The following TMEM65 variants were observed in gnomAD, a reference collection of about 807,000 sequenced individuals.
The protein encoded by TMEM65 is transmembrane protein 65.
Under a neutral mutation model 25.4 loss-of-function variants are expected in TMEM65, and 22 were observed. That is an observed-to-expected ratio of 0.86 (90% CI 0.62 to 1.23). The LOEUF is 1.23. Among genes scored for constraint, TMEM65 ranks in the 50% most tolerant of loss-of-function variants. The pLI, the probability that TMEM65 is intolerant of heterozygous loss-of-function variation, is 0.00. For missense variants in TMEM65, 262 were observed against 308.2 expected (o/e 0.85, Z 1.12); for synonymous variants, 132 against 126.2 (o/e 1.05, Z -0.31).
At chr8:124,365,965 A>C (rs1265661772) in intron 1 of TMEM65, among the ~76,000 whole-genome samples, 8 of 152,222 alleles carry the variant, frequency 5.3e-5, no homozygotes, top group Non-Finnish European at 1.0e-4. Context: ...TCACGCCTGT[A>C]ATCTCAGCAC....
chr8:124,359,498 T>C (rs1814832199), intron 1 of TMEM65, among the ~76,000 whole-genome samples: 1 of 152,184 alleles, frequency 6.6e-6, no homozygotes, highest in South Asian at 2.1e-4. Flanking sequence ...TGCCAGCACA[T>C]TGGGAGACCA....
intron 1 of TMEM65, among the ~76,000 whole-genome samples, chr8:124,370,316 T>C (rs1348100597): frequency 6.6e-6 from 1 of 152,160 alleles, no homozygotes; most frequent in African/African-American, 2.4e-5. Flanking sequence ...TTCCAAGAAA[T>C]TACTTGGAAA....
At position 124,313,721 on chromosome 8, in the gene TMEM65, G is replaced by A. The variant is rs1434965929; in HGVS notation, c.*239C>T. 9.6e-6 allele frequency: 4 copies of A among 417,782 alleles called. No homozygotes were observed. The highest frequency in any genetic ancestry group is 1.7e-5 in the Non-Finnish European group (4 of 234,878). The allele number at this position is 417,782 out of a possible 1,614,324, so 25.9% of individuals were successfully genotyped here. A position where few individuals can be genotyped will look rare whatever the true frequency, so the allele number is the denominator to read the frequency against. Reference sequence around the variant, plus strand: ...TGAATATAAAAAGAAAGGATAAAATGTTGACTGCTATTGATGAAAAAGCAT... The same window carrying A: ...TGAATATAAAAAGAAAGGATAAAATATTGACTGCTATTGATGAAAAAGCAT... On this transcript the variant is annotated 3_prime_UTR_variant, in exon 7 of 7. Transcript: ENST00000297632.
At chr8:124,336,633 A>G (rs1391869768) in intron 1 of TMEM65, among the ~76,000 whole-genome samples, 1 of 152,068 alleles carries the variant, frequency 6.6e-6, no homozygotes, top group Non-Finnish European at 1.5e-5. Flanking sequence ...CTGAGTAACA[A>G]TGAAAATGCA....
intron 6 of TMEM65, 120 bp from the exon 7 acceptor site, chr8:124,314,181 C>G (rs1586453794): frequency 1.4e-6 from 1 of 725,802 alleles, no homozygotes; most frequent in East Asian, 2.7e-5. Flanking sequence ...ATATATATTC[C>G]TCTTCAATAT....
chr8:124,316,302 A>G (rs1236003347), intron 6 of TMEM65, among the ~76,000 whole-genome samples: 2 of 152,206 alleles, frequency 1.3e-5, no homozygotes, highest in African/African-American at 2.4e-5. Context: ...ATACTGTTTT[A>G]TAAGAAAATA....
chr8:124,368,927 T>C (rs567381546), intron 1 of TMEM65, among the ~76,000 whole-genome samples: 3 of 152,236 alleles, frequency 2.0e-5, no homozygotes, highest in Non-Finnish European at 2.9e-5. Context: ...ACTAATACAA[T>C]GAGCACTGTC....
intron 5 of TMEM65, among the ~76,000 whole-genome samples, chr8:124,321,636 T>C (rs1814304666): frequency 6.6e-6 from 1 of 152,146 alleles, no homozygotes; most frequent in Non-Finnish European, 1.5e-5. Context: ...GTCTAGTCAG[T>C]ATCCTCAAAT....
chr8:124,354,065 A>G (rs1348998457), intron 1 of TMEM65, among the ~76,000 whole-genome samples: 2 of 152,176 alleles, frequency 1.3e-5, no homozygotes, highest in Admixed American at 6.5e-5. Context: ...TCAAAGATGC[A>G]TAACTGAAAT....
At chr8:124,323,653 G>T (rs1340648879) in intron 3 of TMEM65, among the ~76,000 whole-genome samples, 2 of 151,726 alleles carry the variant, frequency 1.3e-5, no homozygotes, top group African/African-American at 4.8e-5. Context: ...TAAAAATCTA[G>T]AATTTCTATT....
intron 1 of TMEM65, among the ~76,000 whole-genome samples, chr8:124,367,769 T>C (rs1814957729): frequency 6.6e-6 from 1 of 152,136 alleles, no homozygotes; most frequent in Admixed American, 6.5e-5. Context: ...AAGATTAAAG[T>C]TTAGAATTAT....
In TMEM65 at chr8:124,367,712, A is replaced by G. The variant is rs557624750; in HGVS notation, c.304+4142T>C. Among the ~76,000 whole-genome samples the G allele has an allele frequency of 3.9e-5, 6 of 152,362 alleles. No homozygotes were observed. The East Asian group carries it at 1.2e-3, about 29-fold the overall frequency. On this transcript the variant is annotated intron_variant, in intron 1 of 6. Transcript: ENST00000297632. ...ATACTATATGGCAAGTTCTCAAAAC[A>G]AAGCTCTTCACCCTACCTTAAACAA...
chr8:124,318,771 GCAC>G (rs1814270940), intron 6 of TMEM65, among the ~76,000 whole-genome samples: 1 of 152,040 alleles, frequency 6.6e-6, no homozygotes, highest in African/African-American at 2.4e-5. Flanking sequence ...GCTGATGCTG[GCAC>G]CACATTTTGA....
intron 1 of TMEM65, among the ~76,000 whole-genome samples, chr8:124,338,380 G>A (rs770135657): frequency 6.6e-6 from 1 of 152,012 alleles, no homozygotes; most frequent in Non-Finnish European, 1.5e-5. Flanking sequence ...GAACCAAAGA[G>A]TGAGAAAGAG....
Position 124,318,371 on chromosome 8 carries a change from T to G in TMEM65, c.621+1715A>C, listed in dbSNP as rs1343911081. Among the ~76,000 whole-genome samples, 20 of 117,146 alleles carry G rather than the reference T, an allele frequency of 1.7e-4. 1 individual carries two copies. Among genetic ancestry groups the G allele is most frequent in the African/African-American group, 6.7e-4 (19 of 28,264 alleles). 76.9% of individuals were successfully genotyped at this position (117,146 alleles called of 152,430 possible). A position where few individuals can be genotyped will look rare whatever the true frequency, so the allele number is the denominator to read the frequency against. ...AGCTGCTGAATTTGCATGTTTTTGT[T>G]TTTTTTTTTTTTTTTTTTTTTGAGA... On this transcript the variant is annotated intron_variant, in intron 6 of 6. Coordinates refer to ENST00000297632, the MANE Select transcript of TMEM65 (RefSeq NM_194291.3).
intron 1 of TMEM65, among the ~76,000 whole-genome samples, chr8:124,358,377 T>C (rs1814812286): frequency 6.6e-6 from 1 of 152,176 alleles, no homozygotes; most frequent in Non-Finnish European, 1.5e-5. Flanking sequence ...TCCTTACATA[T>C]TTTAAGCCTG....
chr8:124,313,771 C>T lies in TMEM65; in HGVS notation c.*189G>A, dbSNP rs932363514. 1.9e-6 allele frequency: 1 copy of T among 533,676 alleles called. No individual in the cohort carries two copies. Among genetic ancestry groups the T allele is most frequent in the Admixed American group, 3.5e-5 (1 of 28,984 alleles). 33.1% of individuals were successfully genotyped at this position (533,676 alleles called of 1,614,324 possible). The stretch of plus-strand genomic sequence containing the variant: ...TTTCAACAATATACACAAAATGATA[C>T]TAAACAGCTTTTTAAAAAAGATGTC... On this transcript the variant is annotated 3_prime_UTR_variant, in exon 7 of 7. Transcript: ENST00000297632.
rs745572300 is a variant in TMEM65 at position 124,371,843 on chromosome 8, G to GC, written c.304+10dup. 2.6e-6 allele frequency: 4 copies of GC among 1,516,038 alleles called. No individual in the cohort carries two copies. The highest frequency in any genetic ancestry group is 3.5e-6 in the Non-Finnish European group (4 of 1,137,860). 93.9% of individuals were successfully genotyped at this position (1,516,038 alleles called of 1,614,324 possible). A position where few individuals can be genotyped will look rare whatever the true frequency, so the allele number is the denominator to read the frequency against. On this transcript the variant is annotated intron_variant, in intron 1 of 6. Coordinates refer to ENST00000297632, the MANE Select transcript of TMEM65 (RefSeq NM_194291.3). ...GGGCCCCCGGGCTCGCCCCCCACCT[G>GC]CCCCCCTTACCTTGGGCAATGGCAA...
Position 124,327,368 on chromosome 8 carries a change from T to C in TMEM65, c.403A>G (p.Ile135Val), listed in dbSNP as rs757073827. ...FIGFGFLDNAIMIVAGTHIEM... is the reference protein window; with the variant it reads ...FIGFGFLDNAVMIVAGTHIEM... ...AAAGAACTTACAGCAACAATCATAATTGCATTATCCAAAAAGCCAAACCCT... is the reference window on the plus strand; with the variant it reads ...AAAGAACTTACAGCAACAATCATAACTGCATTATCCAAAAAGCCAAACCCT... The change falls in exon 3 of 7, where the codon ATT (isoleucine) becomes GTT (valine). Residue 135 changes from isoleucine (I) to valine (V), a missense_variant. Physicochemically the swap from Ile to Val is conservative, Grantham distance 29. Transcript: ENST00000297632. 2.5e-6 allele frequency: 4 copies of C among 1,603,930 alleles called. No homozygotes were observed. Among genetic ancestry groups the C allele is most frequent in the Non-Finnish European group, 1.7e-6 (2 of 1,175,252 alleles).
Sources: allele counts gnomAD v4.1 joint callset (sites outside exome capture counted in the v4.1 genomes callset), GRCh38; gene constraint gnomAD v4.1.1; transcripts MANE v1.5; gene names NCBI Gene and HGNC (gene_info 2026-07-23, HGNC 2026-07-21).